Variants in SSH1 observed in about 807,000 individuals in gnomAD.
SSH1 encodes the protein protein phosphatase Slingshot homolog 1.
Under a neutral mutation model 79.7 loss-of-function variants are expected in SSH1, and 43 were observed. The ratio of observed to expected loss-of-function variants is 0.54; its 90% CI spans 0.42 to 0.70. The LOEUF is 0.70. SSH1 is among the 30% of genes least tolerant of loss of function. The pLI, the probability that SSH1 is intolerant of heterozygous loss-of-function variation, is 0.00. For missense variants in SSH1, 1,206 were observed against 1,358.8 expected (o/e 0.89, Z 1.77); for synonymous variants, 599 against 538.3 (o/e 1.11, Z -1.56).
Position 108,786,562 on chromosome 12 carries a change from C to T in SSH1, c.*1426G>A, listed in dbSNP as rs1333926337. Reference sequence around the variant, plus strand: ...ACATGAATTCTGTCACATATTATTTCTTTTTTTTACAACTCCTTAAAAAGG... The same window carrying T: ...ACATGAATTCTGTCACATATTATTTTTTTTTTTTACAACTCCTTAAAAAGG... On this transcript the variant is annotated 3_prime_UTR_variant, in exon 15 of 15. Coordinates refer to ENST00000326495, the MANE Select transcript of SSH1 (RefSeq NM_018984.4). 1.3e-5 allele frequency: 2 copies of T among 152,066 alleles called. No individual in the cohort carries two copies. The highest frequency in any genetic ancestry group is 6.6e-5 in the Admixed American group (1 of 15,266). The allele number at this position is 152,066 out of a possible 1,614,324, so 9.4% of individuals were successfully genotyped here.
At chr12:108,798,392 C>T (rs2036841439) in intron 13 of SSH1, among the ~76,000 whole-genome samples, 1 of 152,222 alleles carries the variant, frequency 6.6e-6, no homozygotes, top group Non-Finnish European at 1.5e-5. Context: ...AGGCTGGAGT[C>T]CAGTAGCACA....
intron 14 of SSH1, 136 bp from the exon 15 acceptor site, chr12:108,789,380 A>C: frequency 1.1e-6 from 1 of 896,078 alleles, no homozygotes; most frequent in Non-Finnish European, 1.8e-6. Context: ...CATTTCACTT[A>C]ATACTGACAG....
intron 6 of SSH1, 78 bp downstream of exon 6, chr12:108,811,182 C>T (rs1164012253): frequency 2.3e-6 from 3 of 1,319,442 alleles, no homozygotes; most frequent in Non-Finnish European, 3.3e-6. Flanking sequence ...TAATGATCAT[C>T]CAAGGATGCC....
Position 108,782,125 on chromosome 12 carries a change from C to G in SSH1, c.*5863G>C, listed in dbSNP as rs1288883191. 7.8e-6 allele frequency: 1 copy of G among 128,294 alleles called. No individual in the cohort carries two copies. Among genetic ancestry groups the G allele is most frequent in the African/African-American group, 3.0e-5 (1 of 33,314 alleles). 7.9% of individuals were successfully genotyped at this position (128,294 alleles called of 1,614,324 possible). ...TCCAGCCTGAGCAAGAGAGCCAGACCCAGTCTCAAAAAAAAAAAAAAAAAA... is the reference window on the plus strand; with the variant it reads ...TCCAGCCTGAGCAAGAGAGCCAGACGCAGTCTCAAAAAAAAAAAAAAAAAA... On this transcript the variant is annotated 3_prime_UTR_variant, in exon 15 of 15. Coordinates refer to ENST00000326495, the MANE Select transcript of SSH1 (RefSeq NM_018984.4).
chr12:108,793,909 C>T (rs1457380747), intron 13 of SSH1, among the ~76,000 whole-genome samples: 1 of 152,216 alleles, frequency 6.6e-6, no homozygotes, highest in Non-Finnish European at 1.5e-5. Flanking sequence ...AAGGTCACTG[C>T]CACGCTGCTA....
Position 108,802,345 on chromosome 12 carries a change from A to G in SSH1, c.978T>C (p.Asn326=). Residue 326 remains asparagine (N), a synonymous_variant, in exon 11 of 15, where the codon AAT becomes AAC. Transcript: ENST00000326495. ...ACCCTGAGCCCTGCAGTTCCTCCAG[A>G]TTGGATGCATTCCATTCAGAGCCCT... ...LYLGSEWNAS[N]LEELQGSGVD... is the part of the protein sequence containing the mutation. 1 of 1,614,048 alleles carries G rather than the reference A, an allele frequency of 6.2e-7. No individual in the cohort carries two copies. Among genetic ancestry groups the G allele is most frequent in the Non-Finnish European group, 8.5e-7 (1 of 1,179,992 alleles).
chr12:108,840,217 G>A (rs551184822), intron 2 of SSH1, among the ~76,000 whole-genome samples: 24 of 152,156 alleles, frequency 1.6e-4, no homozygotes, highest in East Asian at 7.7e-4. Context: ...CAGCCCAATC[G>A]CTCAGTTCGC....
At chr12:108,825,553 C>A (rs1225385641) in intron 2 of SSH1, among the ~76,000 whole-genome samples, 1 of 152,192 alleles carries the variant, frequency 6.6e-6, no homozygotes, top group Non-Finnish European at 1.5e-5. Context: ...TTAGTTTTGC[C>A]TTCTTGTTCA....
intron 13 of SSH1, among the ~76,000 whole-genome samples, chr12:108,795,183 C>T (rs755433566): frequency 2.6e-5 from 4 of 152,256 alleles, no homozygotes; most frequent in Non-Finnish European, 5.9e-5. Context: ...TGAGACTTGC[C>T]TCGGTCATTT....
intron 2 of SSH1, among the ~76,000 whole-genome samples, chr12:108,841,857 T>C (rs1448375413): frequency 1.3e-5 from 2 of 151,458 alleles, no homozygotes; most frequent in South Asian, 2.1e-4. Flanking sequence ...TATATATATA[T>C]ATATAGCTAG....
rs2036228707 is a variant in SSH1, at chr12:108,784,893, T to TA, written c.*3094dup. 1.3e-5 allele frequency: 2 copies of TA among 152,222 alleles called. No homozygotes were observed. The highest frequency in any genetic ancestry group is 4.1e-4 in the South Asian group (2 of 4,828). The allele number at this position is 152,222 out of a possible 1,614,324, so 9.4% of individuals were successfully genotyped here. ...ATGCATTCAATGAAAATGATAGTCA[T>TA]AAAAAACCAGTGACTTGCACAGCAC... is the stretch of plus-strand genomic sequence containing the variant. On this transcript the variant is annotated 3_prime_UTR_variant, in exon 15 of 15. Coordinates refer to ENST00000326495, the MANE Select transcript of SSH1 (RefSeq NM_018984.4).
At chr12:108,825,059 A>T (rs896550329) in intron 2 of SSH1, among the ~76,000 whole-genome samples, 40 of 152,210 alleles carry the variant, frequency 2.6e-4, no homozygotes, top group Non-Finnish European at 4.8e-4. Context: ...AAACACTACT[A>T]TATAATTTAA....
chr12:108,819,457 G>A (rs2038033901), intron 3 of SSH1, among the ~76,000 whole-genome samples: 1 of 152,176 alleles, frequency 6.6e-6, no homozygotes, highest in South Asian at 2.1e-4. Context: ...TGACTCCAAG[G>A]TTGCTTTTTT....
At chr12:108,806,455 C>G in intron 8 of SSH1, 61 bp from the exon 9 acceptor site, 1 of 1,452,088 alleles carries the variant, frequency 6.9e-7, no homozygotes. Flanking sequence ...TCGGAGGTTA[C>G]AGGAATGCCA....
intron 6 of SSH1, among the ~76,000 whole-genome samples, chr12:108,811,000 G>A (rs1011911775): frequency 2.0e-5 from 3 of 152,190 alleles, no homozygotes; most frequent in African/African-American, 4.8e-5. Context: ...TCGGTTTACC[G>A]CTGTCTTGAA....
At chr12:108,832,695 C>G (rs1348805982) in intron 2 of SSH1, among the ~76,000 whole-genome samples, 2 of 152,216 alleles carry the variant, frequency 1.3e-5, no homozygotes, top group Non-Finnish European at 2.9e-5. Context: ...TCATTTGGAA[C>G]TCGTGTTTAA....
intron 5 of SSH1, 56 bp from the exon 6 acceptor site, chr12:108,811,384 G>T: frequency 6.5e-7 from 1 of 1,535,002 alleles, no homozygotes; most frequent in Non-Finnish European, 9.0e-7. Flanking sequence ...TACGTGTACA[G>T]CCTTTCCAGC....
intron 2 of SSH1, among the ~76,000 whole-genome samples, chr12:108,847,774 T>C (rs2038931183): frequency 6.6e-6 from 1 of 152,168 alleles, no homozygotes; most frequent in South Asian, 2.1e-4. Flanking sequence ...ACTGTTTAAA[T>C]GCTACACAAA....
In SSH1 at chr12:108,857,348, C is replaced by A; in HGVS notation, c.69+80G>T. The stretch of plus-strand genomic sequence containing the variant: ...GAGCCCGCGCAGCCGCCCCCCTGCC[C>A]CGCACGCGCGGCCCCAGCTCCGGCG... On this transcript the variant is annotated intron_variant, in intron 1 of 14. Transcript: ENST00000326495. This position sits in a 1 kb window ranked among gnomAD's most constrained non-coding sequence, Gnocchi z 4.7. 1.2e-6 allele frequency: 1 copy of A among 863,360 alleles called. No individual in the cohort carries two copies. The allele number at this position is 863,360 out of a possible 1,614,324, so 53.5% of individuals were successfully genotyped here.
Sources: gnomAD v4.1 joint callset for allele counts (sites outside exome capture counted in the v4.1 genomes callset) on GRCh38, gnomAD v4.1.1 for gene constraint, Gnocchi (gnomAD v3.1) non-coding constraint, MANE v1.5 for transcripts, NCBI Gene and HGNC (gene_info 2026-07-23, HGNC 2026-07-21) for gene names.